Variants in TMC1 observed in about 807,000 individuals in gnomAD.
TMC1 encodes transmembrane channel-like protein 1.
Under a neutral mutation model 105.8 loss-of-function variants are expected in TMC1, and 84 were observed. The ratio of observed to expected loss-of-function variants is 0.79; its 90% CI spans 0.67 to 0.95. The LOEUF (loss-of-function observed/expected upper bound fraction) is 0.95. TMC1 is among the 40% of genes least tolerant of loss of function. TMC1 has a pLI of 0.00. For missense variants in TMC1, 817 were observed against 914.1 expected (o/e 0.89, Z 1.37); for synonymous variants, 315 against 311.5 (o/e 1.01, Z -0.12).
At chr9:72,739,289 CA>C in intron 8 of TMC1, among the ~76,000 whole-genome samples, 2 of 152,294 alleles carry the variant, frequency 1.3e-5, no homozygotes, top group Middle Eastern at 6.8e-3. Context: ...CCCCCATGGC[CA>C]ATTACCTCCT....
At chr9:72,765,939 T>A (rs1827825955) in intron 12 of TMC1, among the ~76,000 whole-genome samples, 1 of 152,098 alleles carries the variant, frequency 6.6e-6, no homozygotes, top group Admixed American at 6.6e-5. Context: ...AAAAATGCAG[T>A]GTAGCATAAT....
intron 1 of TMC1, among the ~76,000 whole-genome samples, chr9:72,528,403 C>T (rs540668949): frequency 6.7e-6 from 1 of 149,290 alleles, no homozygotes; most frequent in South Asian, 2.1e-4. Flanking sequence ...GGTGTGATCT[C>T]GGCTCACAAC....
rs750561064 is a variant in TMC1, at chr9:72,803,695, C to T, written c.1567-1687C>T. ...AACCACAATGAGATACCATCTCACA[C>T]CAGTCAGAATGGTGATTATTAAAAA... is the stretch of plus-strand genomic sequence containing the variant. On this transcript the variant is annotated intron_variant, in intron 17 of 23. Transcript: ENST00000297784. Among the ~76,000 whole-genome samples, 108 of 152,164 alleles carry T rather than the reference C, an allele frequency of 7.1e-4. 1 individual carries two copies. Among genetic ancestry groups the T allele is most frequent in the Non-Finnish European group, 1.2e-3 (84 of 68,036 alleles).
intron 1 of TMC1, among the ~76,000 whole-genome samples, chr9:72,534,681 C>T (rs1823550435): frequency 6.6e-6 from 1 of 152,122 alleles, no homozygotes; most frequent in Admixed American, 6.6e-5. Context: ...TATTTAGTTC[C>T]TGTGAGAATG....
intron 1 of TMC1, among the ~76,000 whole-genome samples, chr9:72,550,243 G>A (rs970472794): frequency 4.0e-5 from 6 of 151,774 alleles, no homozygotes; most frequent in Admixed American, 3.9e-4. Context: ...CGAGGCAGGC[G>A]GATCATTTGA....
chr9:72,536,016 A>T (rs1355889594), intron 1 of TMC1, among the ~76,000 whole-genome samples: 1 of 152,218 alleles, frequency 6.6e-6, no homozygotes, highest in Non-Finnish European at 1.5e-5. Flanking sequence ...GGGGACAAAC[A>T]TCCAAACTAT....
chr9:72,601,127 G>A lies in TMC1; in HGVS notation c.-305-15241G>A, dbSNP rs143889745. Reference sequence around the variant, plus strand: ...AGGCAGGAGGATTGCTTGAGACCAGGAGATTAGGACCAACCTAGGCAACAT... The same window carrying A: ...AGGCAGGAGGATTGCTTGAGACCAGAAGATTAGGACCAACCTAGGCAACAT... On this transcript the variant is annotated intron_variant, in intron 2 of 23. Coordinates refer to ENST00000297784, the MANE Select transcript of TMC1 (RefSeq NM_138691.3). Among the ~76,000 whole-genome samples the A allele has an allele frequency of 4.5e-3, 682 of 150,880 alleles. 7 individuals are homozygous for A. The highest frequency in any genetic ancestry group is 0.016 in the African/African-American group (654 of 41,288).
intron 1 of TMC1, among the ~76,000 whole-genome samples, chr9:72,541,247 CT>C (rs1446867432): frequency 2.0e-5 from 3 of 152,224 alleles, no homozygotes; most frequent in African/African-American, 7.2e-5. Context: ...TTAATCAATT[CT>C]TACATCTATG....
At chr9:72,588,915 A>G (rs550464932) in intron 2 of TMC1, among the ~76,000 whole-genome samples, 9 of 151,830 alleles carry the variant, frequency 5.9e-5, no homozygotes, top group African/African-American at 1.9e-4. Context: ...AGCTGGGATT[A>G]CAGGCATGCG....
intron 8 of TMC1, among the ~76,000 whole-genome samples, chr9:72,734,086 A>AG (rs1417595571): frequency 9.2e-5 from 14 of 152,324 alleles, no homozygotes; most frequent in Admixed American, 5.9e-4. Context: ...TGCTGAACAA[A>AG]GGGAAGATTC....
In TMC1 at chr9:72,645,891, T is replaced by G. The variant is rs533798931; in HGVS notation, c.-52-2706T>G. Among the ~76,000 whole-genome samples the G allele has an allele frequency of 2.4e-4, 36 of 152,332 alleles. No individual in the cohort carries two copies. The South Asian group carries it at 6.8e-3, about 29-fold the overall frequency. On this transcript the variant is annotated intron_variant, in intron 4 of 23. Coordinates refer to ENST00000297784, the MANE Select transcript of TMC1 (RefSeq NM_138691.3). ...TTCAATTCCCAGGGTCTTCATTTCT[T>G]AAGGAATGGACTATTTGGCCGGTAT...
chr9:72,549,683 T>C (rs1823828679), intron 1 of TMC1, among the ~76,000 whole-genome samples: 1 of 150,422 alleles, frequency 6.6e-6, no homozygotes, highest in Non-Finnish European at 1.5e-5. Flanking sequence ...TGATCTTGGC[T>C]CACTGCAACC....
chr9:72,605,107 T>G (rs1824884808), intron 2 of TMC1, among the ~76,000 whole-genome samples: 1 of 152,190 alleles, frequency 6.6e-6, no homozygotes, highest in African/African-American at 2.4e-5. Flanking sequence ...AACAAAATTG[T>G]CTAACATACG....
chr9:72,589,072 A>T (rs1824596652), intron 2 of TMC1, among the ~76,000 whole-genome samples: 1 of 152,192 alleles, frequency 6.6e-6, no homozygotes, highest in Admixed American at 6.5e-5. Context: ...GCCAGGCCAG[A>T]AAAACAAGAC....
intron 2 of TMC1, among the ~76,000 whole-genome samples, chr9:72,595,384 G>A (rs1824702124): frequency 6.6e-6 from 1 of 152,174 alleles, no homozygotes; most frequent in African/African-American, 2.4e-5. Context: ...ACTGTTGGTG[G>A]GGGAGTCACA....
intron 2 of TMC1, among the ~76,000 whole-genome samples, chr9:72,609,643 T>C (rs1824990324): frequency 6.6e-6 from 1 of 152,180 alleles, no homozygotes; most frequent in African/African-American, 2.4e-5. Flanking sequence ...CTCTTTTTAA[T>C]AGGTAGGCAG....
intron 10 of TMC1, among the ~76,000 whole-genome samples, chr9:72,749,159 C>A (rs562573406): frequency 6.6e-6 from 1 of 152,122 alleles, no homozygotes; most frequent in African/African-American, 2.4e-5. Context: ...GTACCCTACA[C>A]GCAAGAAATT....
Position 72,830,683 on chromosome 9 carries a change from G to A in TMC1, c.2260+1G>A, listed in dbSNP as rs1277101357. ...AAGAAAATGGCAGCTGCACGAGCAGGTTGGAGATACGTTTATGTTTGTAAT... is the reference window on the plus strand; with the variant it reads ...AAGAAAATGGCAGCTGCACGAGCAGATTGGAGATACGTTTATGTTTGTAAT... On this transcript the variant is annotated splice_donor_variant, in intron 23 of 23. Transcript: ENST00000297784. LOFTEE classifies it high-confidence loss of function. 3 of 1,611,218 alleles carry A rather than the reference G, an allele frequency of 1.9e-6. No homozygotes were observed. The highest frequency in any genetic ancestry group is 2.5e-6 in the Non-Finnish European group (3 of 1,178,902).
At chr9:72,766,858 T>TA (rs988246221) in intron 12 of TMC1, among the ~76,000 whole-genome samples, 15 of 152,016 alleles carry the variant, frequency 9.9e-5, no homozygotes, top group African/African-American at 3.6e-4. Context: ...GAAAATAAAA[T>TA]AAAAAAAACT....
Sources: gnomAD v4.1 joint callset for allele counts (sites outside exome capture counted in the v4.1 genomes callset) on GRCh38, gnomAD v4.1.1 for gene constraint, MANE v1.5 for transcripts, NCBI Gene and HGNC (gene_info 2026-07-23, HGNC 2026-07-21) for gene names.